The following HCN2 variants were observed in gnomAD, a reference collection of about 807,000 sequenced individuals.
The protein encoded by HCN2 is hyperpolarization activated cyclic nucleotide gated potassium and sodium channel 2.
A neutral mutation model predicts 52.3 loss-of-function variants in HCN2; 20 were observed. That is an observed-to-expected ratio of 0.38 (90% CI 0.27 to 0.56). The LOEUF is 0.56. HCN2 is among the 20% of genes least tolerant of loss of function. The probability of loss-of-function intolerance (pLI) is 0.71; values close to 1 mark genes in which losing one functional copy is unlikely to be tolerated. For synonymous variants in HCN2, 694 were observed against 537.0 expected, an observed-to-expected ratio of 1.29 and a Z score of -4.04; for missense variants, 981 against 1,207.7, an observed-to-expected ratio of 0.81 and a Z score of 2.78.
chr19:609,722 G>C (rs1241071832), intron 4 of HCN2, among the ~76,000 whole-genome samples: 1 of 152,018 alleles, frequency 6.6e-6, no homozygotes, highest in Non-Finnish European at 1.5e-5. Context: ...GCAATATGGC[G>C]AGACCTCATC....
intron 1 of HCN2, among the ~76,000 whole-genome samples, chr19:602,119 C>T (rs10410534): frequency 0.083 from 10,639 of 128,784 alleles, 293 homozygotes; most frequent in African/African-American, 0.22. Context: ...CCTGCGTGGA[C>T]GCCCCACTCC....
At chr19:604,930 G>A (rs1158541969) in intron 2 of HCN2, 131 bp from the exon 3 acceptor site, 6 of 952,318 alleles carry the variant, frequency 6.3e-6, no homozygotes, top group Non-Finnish European at 9.1e-6. Flanking sequence ...GTGGGGCGGG[G>A]GTCCTGTGCG....
chr19:615,861 A>C lies in HCN2; in HGVS notation c.2057A>C (p.Gln686Pro). The change falls in exon 8 of 8, where the codon CAG becomes CCG. Residue 686 changes from glutamine (Q) to proline (P), a missense_variant. By Grantham distance (76) the Gln-to-Pro change is moderately conservative. This residue lies in a region of HCN2 where 368 missense variants were observed against 314.8 expected (regional missense o/e 1.17). Transcript: ENST00000251287. Reference protein sequence around the residue: ...HDLNSGVFNNQENAIIQEIVK... With the variant: ...HDLNSGVFNNPENAIIQEIVK... ...CTCAACTCGGGCGTATTCAACAACC[A>C]GGAGAACGCCATCATCCAGGAGATC... 2 of 1,613,154 alleles carry C rather than the reference A, an allele frequency of 1.2e-6. No individual in the cohort carries two copies. The highest frequency in any genetic ancestry group is 1.7e-6 in the Non-Finnish European group (2 of 1,179,902).
At chr19:606,830 A>T (rs989228687) in intron 3 of HCN2, among the ~76,000 whole-genome samples, 1 of 138,108 alleles carries the variant, frequency 7.2e-6, no homozygotes, top group African/African-American at 2.8e-5. Flanking sequence ...CAGCCTGGGC[A>T]ACAGAGCCAG....
At chr19:599,680 C>A (rs529813628) in intron 1 of HCN2, among the ~76,000 whole-genome samples, 1 of 151,660 alleles carries the variant, frequency 6.6e-6, no homozygotes, top group Non-Finnish European at 1.5e-5. Context: ...CCCAGCTACT[C>A]GGGAGGGTGA....
intron 1 of HCN2, among the ~76,000 whole-genome samples, chr19:598,286 C>T (rs964349644): frequency 1.3e-5 from 2 of 152,060 alleles, no homozygotes; most frequent in Non-Finnish European, 2.9e-5. Flanking sequence ...TGAGGGGACC[C>T]CTCCCCACCC....
At chr19:612,976 G>A (rs1193646424) in intron 5 of HCN2, among the ~76,000 whole-genome samples, 2 of 152,108 alleles carry the variant, frequency 1.3e-5, no homozygotes, top group African/African-American at 4.8e-5. Flanking sequence ...CCCCGCACCC[G>A]GCCTCCTTTC....
rs1386878238 is a variant in HCN2 at position 590,258 on chromosome 19, G to T, written c.313G>T (p.Gly105Cys). The change falls in exon 1 of 8, where the codon GGC becomes TGC. Residue 105 changes from glycine to cysteine, a missense_variant. By Grantham distance (159) the Gly-to-Cys change is radical (BLOSUM62 -3). Around this residue, in one of 6 missense-constraint regions of HCN2, gnomAD observed 215 missense variants for 179.4 expected, o/e 1.20. Transcript: ENST00000251287. The surrounding 1 kb of genome is among the most constrained non-coding windows in gnomAD (Gnocchi z 7.2). The stretch of plus-strand genomic sequence containing the variant: ...CAGCCCGAACGGCGAGTGCGGGCGC[G>T]GCGAGCCGCAGTGCAGCCCCGCGGG... ...KGSPNGECGRGEPQCSPAGPE... is the reference protein window; with the variant it reads ...KGSPNGECGRCEPQCSPAGPE... 4.0e-6 allele frequency: 4 copies of T among 989,620 alleles called. No individual in the cohort carries two copies. The highest frequency in any genetic ancestry group is 4.8e-6 in the Non-Finnish European group (4 of 834,578). The allele number at this position is 989,620 out of a possible 1,614,324, so 61.3% of individuals were successfully genotyped here.
intron 5 of HCN2, among the ~76,000 whole-genome samples, chr19:612,439 G>GAGA (rs1983681597): frequency 2.2e-5 from 2 of 92,394 alleles, no homozygotes; most frequent in Admixed American, 1.2e-4. Flanking sequence ...AGAGAGAGAT[G>GAGA]GAGTCTCGCT....
chr19:601,834 C>T (rs923521185), intron 1 of HCN2, among the ~76,000 whole-genome samples: 5 of 151,942 alleles, frequency 3.3e-5, no homozygotes, highest in East Asian at 1.9e-4. Flanking sequence ...GCCCGCCATA[C>T]GCAGGCCCTG....
intron 7 of HCN2, among the ~76,000 whole-genome samples, chr19:614,438 C>G (rs1434412338): frequency 2.0e-5 from 3 of 152,142 alleles, no homozygotes; most frequent in Admixed American, 2.0e-4. Context: ...TGAAATCACA[C>G]ACGACTGGGC....
intron 1 of HCN2, among the ~76,000 whole-genome samples, chr19:594,036 A>C (rs1301225515): frequency 6.6e-6 from 1 of 152,032 alleles, no homozygotes; most frequent in African/African-American, 2.4e-5. Context: ...TGAGTCGTGC[A>C]AAGGAGGGTG....
At chr19:611,784 C>T (rs898418743) in intron 5 of HCN2, among the ~76,000 whole-genome samples, 3 of 152,172 alleles carry the variant, frequency 2.0e-5, no homozygotes, top group African/African-American at 4.8e-5. Context: ...CTCCCCGTCC[C>T]CAGCCCCTGG....
intron 7 of HCN2, among the ~76,000 whole-genome samples, chr19:615,415 G>GAGGC (rs896923872): frequency 3.6e-4 from 55 of 152,288 alleles, no homozygotes; most frequent in African/African-American, 1.2e-3. Context: ...TCGGGAGGAT[G>GAGGC]AGGCAGGAGA....
chr19:611,038 G>C (rs972369005), intron 5 of HCN2, among the ~76,000 whole-genome samples: 1 of 150,150 alleles, frequency 6.7e-6, no homozygotes. Flanking sequence ...CTTCTCCCCT[G>C]TGTGTCTCTG....
chr19:609,832 G>A (rs893004716), intron 4 of HCN2, among the ~76,000 whole-genome samples: 1 of 152,198 alleles, frequency 6.6e-6, no homozygotes, highest in Non-Finnish European at 1.5e-5. Flanking sequence ...GCCCATAGGC[G>A]GAGGCTGCAG....
intron 4 of HCN2, among the ~76,000 whole-genome samples, chr19:609,402 G>A (rs937538768): frequency 1.3e-5 from 2 of 152,200 alleles, no homozygotes; most frequent in East Asian, 1.9e-4. Context: ...TGTGTGTCAG[G>A]GTACCTGGGG....
rs558053235 is a variant in HCN2, at chr19:611,468, C to T, written c.1584+1063C>T. On this transcript the variant is annotated intron_variant, in intron 5 of 7. Coordinates refer to ENST00000251287, the MANE Select transcript of HCN2 (RefSeq NM_001194.4). ...CCGAGGAGGGGCTGGAGGAGCTGGG[C>T]GAGGAGGCGGGCAGGACGGGCCTGA... is the stretch of plus-strand genomic sequence containing the variant. Among the ~76,000 whole-genome samples the T allele has an allele frequency of 3.3e-4, 50 of 152,230 alleles. 1 individual carries two copies. In the East Asian group the frequency reaches 6.0e-3, roughly 18 times the overall value.
intron 1 of HCN2, among the ~76,000 whole-genome samples, chr19:596,490 G>A (rs1207366073): frequency 6.6e-6 from 1 of 152,232 alleles, no homozygotes; most frequent in Non-Finnish European, 1.5e-5. Flanking sequence ...GGCCAAGCTG[G>A]ACAAAGTGGC....
Sources: gnomAD v4.1 joint callset for allele counts (sites outside exome capture counted in the v4.1 genomes callset) on GRCh38, gnomAD v4.1.1 for gene constraint, gnomAD v4.1.1 regional missense constraint, Gnocchi (gnomAD v3.1) non-coding constraint, MANE v1.5 for transcripts, NCBI Gene and HGNC (gene_info 2026-07-23, HGNC 2026-07-21) for gene names.